PARD3B: variants seen among roughly 807,000 people sequenced by gnomAD.
PARD3B encodes the protein partitioning defective 3 homolog B.
Under a neutral mutation model 130.2 loss-of-function variants are expected in PARD3B, and 103 were observed. The ratio of observed to expected loss-of-function variants is 0.79; its 90% CI spans 0.67 to 0.93. The LOEUF (loss-of-function observed/expected upper bound fraction) is 0.93, where lower values mean the gene tolerates loss of function less well. PARD3B is among the 40% of genes least tolerant of loss of function. The pLI, the probability that PARD3B is intolerant of heterozygous loss-of-function variation, is 0.00. For missense variants in PARD3B, 1,609 were observed against 1,499.2 expected (o/e 1.07, Z -1.21); for synonymous variants, 583 against 553.2 (o/e 1.05, Z -0.76).
rs1695686253 is a variant in PARD3B at position 205,011,235 on chromosome 2, A to G, written c.395-36346A>G. Among the ~76,000 whole-genome samples the G allele has an allele frequency of 6.6e-6, 1 of 152,222 alleles. No individual in the cohort carries two copies. Among genetic ancestry groups the G allele is most frequent in the African/African-American group, 2.4e-5 (1 of 41,466 alleles). ...CTCATACAGATGATTACTGTCAGGAATGCAGGCATGGCTTAGCTTGGTGAT... is the reference window on the plus strand; with the variant it reads ...CTCATACAGATGATTACTGTCAGGAGTGCAGGCATGGCTTAGCTTGGTGAT... On this transcript the variant is annotated intron_variant, in intron 3 of 22. Coordinates refer to ENST00000406610, the MANE Select transcript of PARD3B (RefSeq NM_001302769.2). This position sits in a 1 kb window ranked among gnomAD's most constrained non-coding sequence, Gnocchi z 4.1.
intron 1 of PARD3B, among the ~76,000 whole-genome samples, chr2:204,588,504 CA>C (rs2032933630): frequency 1.3e-5 from 2 of 152,256 alleles, no homozygotes; most frequent in African/African-American, 4.8e-5. Context: ...CAAATATTTC[CA>C]TTGGGCTTTT....
intron 18 of PARD3B, among the ~76,000 whole-genome samples, chr2:205,324,390 C>T (rs751910529): frequency 6.6e-6 from 1 of 152,050 alleles, no homozygotes; most frequent in Non-Finnish European, 1.5e-5. Flanking sequence ...GAACAACACT[C>T]ATTTTTATTA....
intron 16 of PARD3B, among the ~76,000 whole-genome samples, chr2:205,282,514 TA>T (rs2041228947): frequency 1.5e-5 from 2 of 136,370 alleles, no homozygotes; most frequent in African/African-American, 2.5e-5. Context: ...TGTGTATATA[TA>T]TATATGTACA....
intron 3 of PARD3B, among the ~76,000 whole-genome samples, chr2:205,027,622 T>C (rs1456073240): frequency 1.3e-5 from 2 of 152,138 alleles, no homozygotes; most frequent in African/African-American, 2.4e-5. Flanking sequence ...TAGTGTCATA[T>C]CCAAATATCA....
Position 205,572,571 on chromosome 2 carries a change from C to T in PARD3B, c.3260+19168C>T, listed in dbSNP as rs2053597151. ...ACCACCCCAAACAACATGGTGAAAC[C>T]TCATCTCTACTAAAATACAAAAAAT... On this transcript the variant is annotated intron_variant, in intron 22 of 22. Coordinates refer to ENST00000406610, the MANE Select transcript of PARD3B (RefSeq NM_001302769.2). The surrounding 1 kb of genome is among the most constrained non-coding windows in gnomAD (Gnocchi z 4.2). Among the ~76,000 whole-genome samples the T allele has an allele frequency of 6.6e-6, 1 of 152,172 alleles. No individual in the cohort carries two copies. Among genetic ancestry groups the T allele is most frequent in the African/African-American group, 2.4e-5 (1 of 41,444 alleles).
chr2:205,499,767 C>A, intron 20 of PARD3B, 129 bp from the exon 21 acceptor site: 1 of 1,090,726 alleles, frequency 9.2e-7, no homozygotes. Context: ...CACCATTTTC[C>A]TGGCATATTT....
intron 2 of PARD3B, among the ~76,000 whole-genome samples, chr2:204,855,996 A>G (rs1473611619): frequency 6.6e-6 from 1 of 152,216 alleles, no homozygotes; most frequent in Non-Finnish European, 1.5e-5. Context: ...TTTTTGAATA[A>G]TGCTGAAATA....
At chr2:205,185,554 A>C (rs185302258) in intron 13 of PARD3B, among the ~76,000 whole-genome samples, 40 of 152,326 alleles carry the variant, frequency 2.6e-4, no homozygotes, top group Non-Finnish European at 5.0e-4. Flanking sequence ...GCAGGTCACC[A>C]GTGTAAAAAC....
chr2:205,003,834 A>G (rs975063970), intron 3 of PARD3B, among the ~76,000 whole-genome samples: 3 of 152,226 alleles, frequency 2.0e-5, no homozygotes, highest in Non-Finnish European at 2.9e-5. Flanking sequence ...TTTAATAAAC[A>G]TAATTTTTTT....
intron 1 of PARD3B, among the ~76,000 whole-genome samples, chr2:204,588,848 T>A (rs2032950575): frequency 6.6e-6 from 1 of 152,190 alleles, no homozygotes; most frequent in African/African-American, 2.4e-5. Flanking sequence ...AGGCTTAGTT[T>A]TGTAGAGTAC....
chr2:204,614,951 A>G (rs982112540), intron 1 of PARD3B, among the ~76,000 whole-genome samples: 3 of 152,192 alleles, frequency 2.0e-5, no homozygotes, highest in African/African-American at 7.2e-5. Context: ...GCAATGCAAG[A>G]ACGGCCTAAT....
intron 2 of PARD3B, among the ~76,000 whole-genome samples, chr2:204,845,545 CTTGT>C (rs891924711): frequency 6.6e-6 from 1 of 151,862 alleles, no homozygotes; most frequent in African/African-American, 2.4e-5. Flanking sequence ...CTTGGTTGTC[CTTGT>C]TTGTTCTGTA....
chr2:205,300,906 A>C lies in PARD3B; in HGVS notation c.2392+170A>C, dbSNP rs1440686033. ...TATGTTTTGCCCTTTGGCTTAATGA[A>C]CATGGAATTGGAGAACACAATATGC... On this transcript the variant is annotated intron_variant, in intron 17 of 22. Coordinates refer to ENST00000406610, the MANE Select transcript of PARD3B (RefSeq NM_001302769.2). The surrounding 1 kb of genome is among the most constrained non-coding windows in gnomAD (Gnocchi z 4.1). 6.6e-6 allele frequency among the ~76,000 whole-genome samples: 1 copy of C among 152,270 alleles called. No homozygotes were observed. Among genetic ancestry groups the C allele is most frequent in the Non-Finnish European group, 1.5e-5 (1 of 68,046 alleles).
chr2:205,343,199 G>T (rs553622824), intron 18 of PARD3B, among the ~76,000 whole-genome samples: 1 of 152,140 alleles, frequency 6.6e-6, no homozygotes, highest in East Asian at 1.9e-4. Context: ...TGAAGCCCCC[G>T]ACTGTAGGAA....
chr2:205,521,723 G>C (rs957906917), intron 21 of PARD3B, among the ~76,000 whole-genome samples: 3 of 151,976 alleles, frequency 2.0e-5, no homozygotes, highest in African/African-American at 7.2e-5. Context: ...TATCTTATTT[G>C]TAAGTGAAAT....
chr2:204,566,820 A>G (rs1373811584), intron 1 of PARD3B, among the ~76,000 whole-genome samples: 1 of 150,252 alleles, frequency 6.7e-6, no homozygotes, highest in African/African-American at 2.4e-5. Context: ...CATCTTTTTT[A>G]GTATCTTTAG....
intron 19 of PARD3B, among the ~76,000 whole-genome samples, chr2:205,414,779 A>G (rs561808331): frequency 1.8e-4 from 28 of 152,250 alleles, no homozygotes; most frequent in African/African-American, 6.3e-4. Flanking sequence ...AATGTTTCAC[A>G]GTCTCTAATA....
intron 20 of PARD3B, among the ~76,000 whole-genome samples, chr2:205,483,901 A>T (rs948566418): frequency 3.3e-5 from 5 of 152,220 alleles, no homozygotes; most frequent in African/African-American, 1.2e-4. Context: ...AACTATCTCG[A>T]ATAAAACATG....
rs1003573029 is a variant in PARD3B, at chr2:205,021,620, C to T, written c.395-25961C>T. 4.4e-4 allele frequency among the ~76,000 whole-genome samples: 60 copies of T among 136,786 alleles called. No individual in the cohort carries two copies. Among genetic ancestry groups the T allele is most frequent in the African/African-American group, 1.5e-3 (56 of 36,802 alleles). The allele number at this position is 136,786 out of a possible 152,430, so 89.7% of individuals were successfully genotyped here. On this transcript the variant is annotated intron_variant, in intron 3 of 22. Coordinates refer to ENST00000406610, the MANE Select transcript of PARD3B (RefSeq NM_001302769.2). The surrounding 1 kb of genome is among the most constrained non-coding windows in gnomAD (Gnocchi z 4.5). ...TCTCTCTCTCTCTCTCTCTCTCTCT[C>T]CCTCTCTCTTTCTCTCTCTCTCTCT...
Sources: gnomAD v4.1 joint callset for allele counts (sites outside exome capture counted in the v4.1 genomes callset) on GRCh38, gnomAD v4.1.1 for gene constraint, Gnocchi (gnomAD v3.1) non-coding constraint, MANE v1.5 for transcripts, NCBI Gene and HGNC (gene_info 2026-07-23, HGNC 2026-07-21) for gene names.